The following RAB30 variants were observed in gnomAD, a reference collection of about 807,000 sequenced individuals.
RAB30 encodes ras-related protein Rab-30.
In RAB30, 9 loss-of-function variants were observed where a neutral mutation model predicts 25.1. That is an observed-to-expected ratio of 0.36 (90% confidence interval 0.22 to 0.63). RAB30 has a LOEUF of 0.63. RAB30 is among the 20% of genes least tolerant of loss of function. The pLI is 0.69. For missense variants in RAB30, 140 were observed against 243.5 expected (o/e 0.58, Z 2.83); for synonymous variants, 77 against 86.4 (o/e 0.89, Z 0.60).
intron 1 of RAB30, among the ~76,000 whole-genome samples, chr11:83,036,108 A>G (rs77671830): frequency 0.019 from 2,843 of 152,218 alleles, 76 homozygotes; most frequent in East Asian, 0.11. Flanking sequence ...ACTAAAGCCC[A>G]GAAAGATAGC....
chr11:83,035,646 C>G (rs1857971171), intron 1 of RAB30: 1 of 152,264 alleles, frequency 6.6e-6, no homozygotes, highest in African/African-American at 2.4e-5. Flanking sequence ...AGGGAGATGA[C>G]TGTCTAGACA....
chr11:83,000,875 A>C (rs1857064205), intron 1 of RAB30, among the ~76,000 whole-genome samples: 1 of 97,098 alleles, frequency 1.0e-5, no homozygotes, highest in African/African-American at 5.2e-5. Context: ...CCCCGTCTCT[A>C]CTAAAAAAAA....
chr11:83,057,287 T>C (rs1483658652), intron 1 of RAB30, among the ~76,000 whole-genome samples: 1 of 152,130 alleles, frequency 6.6e-6, no homozygotes, highest in Non-Finnish European at 1.5e-5. Flanking sequence ...AAAATAGATT[T>C]TTATTACTAT....
intron 1 of RAB30, among the ~76,000 whole-genome samples, chr11:83,004,242 A>T (rs909435004): frequency 6.6e-6 from 1 of 152,220 alleles, no homozygotes; most frequent in Admixed American, 6.5e-5. Flanking sequence ...ATAGTTTTTT[A>T]AAAATAAATA....
intron 1 of RAB30, among the ~76,000 whole-genome samples, chr11:83,024,137 G>A (rs1284440649): frequency 1.3e-5 from 2 of 152,190 alleles, no homozygotes; most frequent in African/African-American, 2.4e-5. Flanking sequence ...CTCATCTAGA[G>A]AATCAGAAGA....
At chr11:83,061,472 A>T (rs1475208098) in intron 1 of RAB30, among the ~76,000 whole-genome samples, 1 of 152,162 alleles carries the variant, frequency 6.6e-6, no homozygotes, top group East Asian at 1.9e-4. Context: ...ATGTAATGGT[A>T]TTGTGATTAC....
At chr11:82,997,174 A>T (rs1856977497) in intron 2 of RAB30, 50 bp downstream of exon 2, 2 of 1,488,860 alleles carry the variant, frequency 1.3e-6, no homozygotes, top group African/African-American at 2.8e-5. Context: ...CTCAGGCTAG[A>T]CTGACAAACC....
rs559330312 is a variant in RAB30 at position 83,042,449 on chromosome 11, C to T, written c.-9+29242G>A. 3.3e-5 allele frequency among the ~76,000 whole-genome samples: 5 copies of T among 150,170 alleles called. No individual in the cohort carries two copies. In the East Asian group the frequency reaches 9.7e-4, roughly 29 times the overall value. ...GCACACACCTGTAATCCTAGCTACT[C>T]GGGAGGCTGAGGCAGAATTGTTTGA... On this transcript the variant is annotated intron_variant, in intron 1 of 4. Transcript: ENST00000527633.
chr11:83,020,132 C>T (rs1857534991), intron 1 of RAB30, among the ~76,000 whole-genome samples: 1 of 152,252 alleles, frequency 6.6e-6, no homozygotes, highest in South Asian at 2.1e-4. Context: ...CCAGGCCTCC[C>T]ACTCCACGGA....
At chr11:82,989,537 G>C (rs1482990525) in intron 3 of RAB30, among the ~76,000 whole-genome samples, 2 of 152,190 alleles carry the variant, frequency 1.3e-5, no homozygotes, top group Non-Finnish European at 2.9e-5. Flanking sequence ...CAAACCTAGG[G>C]ACACGGTTCC....
chr11:83,054,872 CAAAA>C (rs1375671669), intron 1 of RAB30, among the ~76,000 whole-genome samples: 1 of 151,848 alleles, frequency 6.6e-6, no homozygotes, highest in Non-Finnish European at 1.5e-5. Flanking sequence ...GTCTCAAAAA[CAAAA>C]AAGAAAAACG....
intron 1 of RAB30, among the ~76,000 whole-genome samples, chr11:83,019,224 G>C (rs903710172): frequency 6.6e-6 from 1 of 152,032 alleles, no homozygotes; most frequent in African/African-American, 2.4e-5. Context: ...TGGGGGTTTT[G>C]CCCATTGGCC....
rs368843492 is a variant in RAB30, at chr11:82,974,798, T to G, written c.*7367A>C. The G allele has an allele frequency of 2.0e-5, 3 of 152,222 alleles. No homozygotes were observed. Among genetic ancestry groups the G allele is most frequent in the East Asian group, 1.9e-4 (1 of 5,184 alleles). The allele number at this position is 152,222 out of a possible 1,614,324, so 9.4% of individuals were successfully genotyped here. ...CTGCTGAGATCTCCAGAATTATATA[T>G]TTTGCATTTTATTTCATCTCTATAC... On this transcript the variant is annotated 3_prime_UTR_variant, in exon 5 of 5. Coordinates refer to ENST00000527633, the MANE Select transcript of RAB30 (RefSeq NM_001286060.2).
At chr11:83,031,422 C>T (rs1857855431) in intron 1 of RAB30, among the ~76,000 whole-genome samples, 1 of 152,142 alleles carries the variant, frequency 6.6e-6, no homozygotes, top group African/African-American at 2.4e-5. Flanking sequence ...GTCATCCTTT[C>T]CCCCATCTTT....
At chr11:82,997,422 C>G in intron 1 of RAB30, 98 bp from the exon 2 acceptor site, 1 of 852,994 alleles carries the variant, frequency 1.2e-6, no homozygotes, top group South Asian at 1.5e-5. Context: ...ACAGGTCTGA[C>G]TCATTTAAAG....
At chr11:83,032,928 A>C (rs1446916058) in intron 1 of RAB30, among the ~76,000 whole-genome samples, 1 of 152,144 alleles carries the variant, frequency 6.6e-6, no homozygotes, top group Non-Finnish European at 1.5e-5. Context: ...ATTTTTTCTA[A>C]GTTACCTAGA....
At chr11:83,040,592 C>CAAAAA (rs35973192) in intron 1 of RAB30, among the ~76,000 whole-genome samples, 1 of 121,088 alleles carries the variant, frequency 8.3e-6, no homozygotes, top group Non-Finnish European at 1.8e-5. Flanking sequence ...AACTCTGTCT[C>CAAAAA]AAAAAAAAAA....
At chr11:82,983,353 G>C (rs1225114512) in intron 4 of RAB30, among the ~76,000 whole-genome samples, 1 of 152,024 alleles carries the variant, frequency 6.6e-6, no homozygotes, top group African/African-American at 2.4e-5. Context: ...AATTTAAAAA[G>C]CAATCCCTAA....
chr11:83,018,675 G>A (rs1857496348), intron 1 of RAB30, among the ~76,000 whole-genome samples: 1 of 152,146 alleles, frequency 6.6e-6, no homozygotes, highest in Non-Finnish European at 1.5e-5. Context: ...TTCTTTTGCT[G>A]TGCAGAAGCT....
Sources: gnomAD v4.1 joint callset for allele counts (sites outside exome capture counted in the v4.1 genomes callset) on GRCh38, gnomAD v4.1.1 for gene constraint, MANE v1.5 for transcripts, NCBI Gene and HGNC (gene_info 2026-07-23, HGNC 2026-07-21) for gene names.